P2RY2: variants seen among roughly 807,000 people sequenced by gnomAD.
The protein encoded by P2RY2 is P2Y purinoceptor 2.
For synonymous variants in P2RY2, 241 were observed against 231.9 expected (o/e 1.04, Z -0.35); for missense variants, 567 against 515.7 (o/e 1.10, Z -0.96).
chr11:73,223,973 C>T (rs990615583), intron 1 of P2RY2, among the ~76,000 whole-genome samples: 2 of 152,204 alleles, frequency 1.3e-5, no homozygotes, highest in Non-Finnish European at 2.9e-5. Context: ...CTGCTCTGAG[C>T]TCAGCCTTGG....
At chr11:73,218,712 G>A (rs933674328) in intron 1 of P2RY2, 7 of 152,514 alleles carry the variant, frequency 4.6e-5, no homozygotes, top group African/African-American at 1.7e-4. Context: ...GTACTGGGGA[G>A]GTCTGCGTGT....
chr11:73,226,632 G>A (rs1862286173), intron 1 of P2RY2, among the ~76,000 whole-genome samples: 1 of 152,112 alleles, frequency 6.6e-6, no homozygotes, highest in Non-Finnish European at 1.5e-5. Context: ...TCCATCCTAG[G>A]CAAATGAAGA....
At position 73,234,396 on chromosome 11, in the gene P2RY2, T is replaced by G. The variant is rs1862554699; in HGVS notation, c.237T>G (p.Asp79Glu). The G allele has an allele frequency of 3.1e-6, 5 of 1,614,236 alleles. No individual in the cohort carries two copies. Among genetic ancestry groups the G allele is most frequent in the Non-Finnish European group, 4.2e-6 (5 of 1,180,042 alleles). The change falls in exon 3 of 3, where the codon GAT (aspartate) becomes GAG (glutamate). Residue 79 changes from aspartate to glutamate, a missense_variant. Physicochemically the swap from Asp to Glu is conservative, Grantham distance 45. Coordinates refer to ENST00000393597, the MANE Select transcript of P2RY2 (RefSeq NM_002564.4). ...TTYMFHLAVS[D>E]ALYAASLPLL... is the part of the protein sequence containing the mutation. ...ATATGTTCCACCTGGCTGTGTCTGA[T>G]GCACTGTATGCGGCCTCCCTGCCGC...
In P2RY2 at chr11:73,235,201, A is replaced by G. The variant is rs1242698397; in HGVS notation, c.1042A>G (p.Arg348Gly). 1 of 1,612,380 alleles carries G rather than the reference A, an allele frequency of 6.2e-7. No homozygotes were observed. Among genetic ancestry groups the G allele is most frequent in the Admixed American group, 1.7e-5 (1 of 59,918 alleles). ...LRRSDRTDMQRIEDVLGSSED... is the reference protein window; with the variant it reads ...LRRSDRTDMQGIEDVLGSSED... The stretch of plus-strand genomic sequence containing the variant: ...CAGATCCGACAGAACTGACATGCAG[A>G]GGATAGAAGATGTGTTGGGCAGCAG... The change falls in exon 3 of 3, where the codon AGG becomes GGG. Residue 348 changes from arginine (R) to glycine (G), a missense_variant. By Grantham distance (125) the Arg-to-Gly change is moderately radical (BLOSUM62 -2). Transcript: ENST00000393597.
intron 1 of P2RY2, among the ~76,000 whole-genome samples, chr11:73,219,326 G>A (rs550234643): frequency 1.7e-4 from 26 of 152,344 alleles, no homozygotes; most frequent in African/African-American, 6.3e-4. Context: ...AAGATTCTCT[G>A]AGCAGACAGG....
intron 2 of P2RY2, among the ~76,000 whole-genome samples, chr11:73,230,131 G>A (rs764245995): frequency 3.3e-5 from 5 of 152,038 alleles, no homozygotes; most frequent in Non-Finnish European, 4.4e-5. Flanking sequence ...GCCTCTCCTT[G>A]CTCCTCCTGC....
At chr11:73,230,044 G>A (rs902449310) in intron 2 of P2RY2, among the ~76,000 whole-genome samples, 5 of 152,018 alleles carry the variant, frequency 3.3e-5, no homozygotes, top group African/African-American at 4.8e-5. Flanking sequence ...CTCGAACCTC[G>A]GCTTACTGAT....
Position 73,235,992 on chromosome 11 carries a change from C to G in P2RY2, c.*699C>G. The G allele has an allele frequency of 1.0e-6, 1 of 1,000,338 alleles. No homozygotes were observed. The highest frequency in any genetic ancestry group is 4.7e-5 in the South Asian group (1 of 21,280). The allele number at this position is 1,000,338 out of a possible 1,614,324, so 62.0% of individuals were successfully genotyped here. Reference sequence around the variant, plus strand: ...ATATGGCAGGGAAGCTTTCACCAGCCACACAAGGGTCCTTTCTCCAATCCG... The same window carrying G: ...ATATGGCAGGGAAGCTTTCACCAGCGACACAAGGGTCCTTTCTCCAATCCG... On this transcript the variant is annotated 3_prime_UTR_variant, in exon 3 of 3. Coordinates refer to ENST00000393597, the MANE Select transcript of P2RY2 (RefSeq NM_002564.4).
In P2RY2 at chr11:73,235,096, C is replaced by T. The variant is rs1862601676; in HGVS notation, c.937C>T (p.Leu313Phe). The change falls in exon 3 of 3, where the codon CTC becomes TTC. Residue 313 changes from leucine (L) to phenylalanine (F), a missense_variant. Transcript: ENST00000393597. ...PVLYFLAGQR[L>F]VRFARDAKPP... The stretch of plus-strand genomic sequence containing the variant: ...GCTCTACTTCCTGGCTGGGCAGAGG[C>T]TCGTACGCTTTGCCCGAGATGCCAA... The T allele has an allele frequency of 6.2e-7, 1 of 1,607,032 alleles. No homozygotes were observed. The highest frequency in any genetic ancestry group is 2.2e-5 in the East Asian group (1 of 44,834).
chr11:73,235,059 C>A lies in P2RY2; in HGVS notation c.900C>A (p.Cys300Ter). 6.2e-7 allele frequency: 1 copy of A among 1,608,222 alleles called. No homozygotes were observed. Among genetic ancestry groups the A allele is most frequent in the Non-Finnish European group, 8.5e-7 (1 of 1,179,866 alleles). The change falls in exon 3 of 3, where the codon TGC (cysteine) becomes TGA (stop). Residue 300 changes from cysteine to a stop codon, truncating the protein, a stop_gained. Transcript: ENST00000393597. LOFTEE classifies it low-confidence loss of function (END_TRUNC). ...GGCCGCTGGCCAGTGCTAACAGTTGCCTTGACCCCGTGCTCTACTTCCTGG... is the reference window on the plus strand; with the variant it reads ...GGCCGCTGGCCAGTGCTAACAGTTGACTTGACCCCGTGCTCTACTTCCTGG... The part of the protein sequence containing the change: ...VTRPLASANS[C>*]LDPVLYFLAG...
chr11:73,241,715 G>A lies in P2RY2; in HGVS notation c.*6422G>A, dbSNP rs959408014. The A allele has an allele frequency of 1.3e-5, 2 of 152,180 alleles. No homozygotes were observed. The highest frequency in any genetic ancestry group is 2.9e-5 in the Non-Finnish European group (2 of 68,066). 9.4% of individuals were successfully genotyped at this position (152,180 alleles called of 1,614,324 possible). Reference sequence around the variant, plus strand: ...TGGGTCCCTCTCTCCTCTAGGTGTTGGGGCAGGGTGGGGAGGAAAGGGACC... The same window carrying A: ...TGGGTCCCTCTCTCCTCTAGGTGTTAGGGCAGGGTGGGGAGGAAAGGGACC... On this transcript the variant is annotated 3_prime_UTR_variant, in exon 3 of 3. Transcript: ENST00000393597.
In P2RY2 at chr11:73,234,188, A is replaced by T. The variant is rs756743857; in HGVS notation, c.29A>T (p.Asp10Val). The part of the protein sequence containing the change: MAADLGPWN[D>V]TINGTWDGDE... ...GCAGCAGACCTGGGCCCCTGGAATG[A>T]CACCATCAATGGCACCTGGGATGGG... Residue 10 changes from aspartate (D) to valine (V), a missense_variant, in exon 3 of 3, where the codon GAC becomes GTC. Transcript: ENST00000393597. 52 of 1,612,944 alleles carry T rather than the reference A, an allele frequency of 3.2e-5. No homozygotes were observed. Among genetic ancestry groups the T allele is most frequent in the South Asian group, 1.2e-4 (11 of 90,954 alleles).
intron 1 of P2RY2, among the ~76,000 whole-genome samples, chr11:73,219,622 C>T (rs149447101): frequency 1.7e-3 from 262 of 152,328 alleles, no homozygotes; most frequent in Middle Eastern, 3.4e-3. Context: ...CACAAGCCTT[C>T]CACAGGACCA....
Position 73,234,693 on chromosome 11 carries a change from G to T in P2RY2, c.534G>T (p.Gly178=). 1.2e-6 allele frequency: 2 copies of T among 1,604,234 alleles called. No homozygotes were observed. Among genetic ancestry groups the T allele is most frequent in the Non-Finnish European group, 1.7e-6 (2 of 1,176,704 alleles). Residue 178 remains glycine (G), a synonymous_variant, in exon 3 of 3, where the codon GGG becomes GGT. Transcript: ENST00000393597. ...VLYFVTTSAR[G]GRVTCHDTSA... ...ACTTTGTCACCACCAGCGCGCGCGG[G>T]GGCCGCGTAACCTGCCACGACACCT... is the stretch of plus-strand genomic sequence containing the variant.
Position 73,238,122 on chromosome 11 carries a change from G to A in P2RY2, c.*2829G>A, listed in dbSNP as rs771009287. On this transcript the variant is annotated 3_prime_UTR_variant, in exon 3 of 3. Transcript: ENST00000393597. ...GCCCAAGGTCATTCAGCAGGTCAGC[G>A]TGGCGCCTGGATGTAAGCAAGTGCC... Among the ~76,000 whole-genome samples, 7 of 152,192 alleles carry A rather than the reference G, an allele frequency of 4.6e-5. No homozygotes were observed. The highest frequency in any genetic ancestry group is 2.6e-4 in the Admixed American group (4 of 15,284).
Position 73,234,796 on chromosome 11 carries a change from G to A in P2RY2, c.637G>A (p.Val213Ile), listed in dbSNP as rs1006024348. The change falls in exon 3 of 3, where the codon GTC (valine) becomes ATC (isoleucine). Residue 213 changes from valine to isoleucine, a missense_variant. By Grantham distance (29) the Val-to-Ile change is conservative (BLOSUM62 3). Coordinates refer to ENST00000393597, the MANE Select transcript of P2RY2 (RefSeq NM_002564.4). ...LGLLFAVPFA[V>I]ILVCYVLMAR... is the part of the protein sequence containing the mutation. ...CCTGCTCTTCGCGGTGCCCTTTGCC[G>A]TCATCCTTGTCTGTTACGTGCTCAT... is the stretch of plus-strand genomic sequence containing the variant. 2.2e-5 allele frequency: 36 copies of A among 1,611,684 alleles called. No homozygotes were observed. The highest frequency in any genetic ancestry group is 6.7e-5 in the African/African-American group (5 of 74,934).
rs896132531 is a variant in P2RY2, at chr11:73,234,744, C to T, written c.585C>T (p.Phe195=). 2.5e-6 allele frequency: 4 copies of T among 1,610,622 alleles called. No homozygotes were observed. The highest frequency in any genetic ancestry group is 1.7e-5 in the Admixed American group (1 of 60,012). ...DTSAPELFSR[F]VAYSSVMLGL... is the part of the protein sequence containing the mutation. ...CGGCACCCGAGCTCTTCAGCCGCTTCGTGGCCTACAGCTCAGTCATGCTGG... is the reference window on the plus strand; with the variant it reads ...CGGCACCCGAGCTCTTCAGCCGCTTTGTGGCCTACAGCTCAGTCATGCTGG... The change falls in exon 3 of 3, where the codon TTC becomes TTT. Residue 195 remains phenylalanine (F), a synonymous_variant. Transcript: ENST00000393597.
chr11:73,221,604 C>A (rs1163587080), intron 1 of P2RY2, among the ~76,000 whole-genome samples: 1 of 152,156 alleles, frequency 6.6e-6, no homozygotes, highest in East Asian at 1.9e-4. Context: ...TGGGGGTTGC[C>A]CCTCATGCCT....
chr11:73,227,427 G>A (rs546423173), intron 1 of P2RY2, among the ~76,000 whole-genome samples: 3 of 152,218 alleles, frequency 2.0e-5, no homozygotes, highest in Admixed American at 6.5e-5. Flanking sequence ...CTGTGTATCC[G>A]TGTGTCTTGG....
Sources: gnomAD v4.1 joint callset for allele counts (sites outside exome capture counted in the v4.1 genomes callset) on GRCh38, gnomAD v4.1.1 for gene constraint, MANE v1.5 for transcripts, NCBI Gene and HGNC (gene_info 2026-07-23, HGNC 2026-07-21) for gene names.